The following SDC3 variants were observed in gnomAD, a reference collection of about 807,000 sequenced individuals.
SDC3 encodes syndecan 3.
Under a neutral mutation model 24.4 loss-of-function variants are expected in SDC3, and 13 were observed. That is an observed-to-expected ratio of 0.53 (90% CI 0.35 to 0.85). SDC3 has a LOEUF of 0.85. Among genes scored for constraint, SDC3 ranks in the 40% least tolerant of loss-of-function variants. The pLI, the probability that SDC3 is intolerant of heterozygous loss-of-function variation, is 0.01. For synonymous variants in SDC3, 295 were observed against 260.9 expected, an observed-to-expected ratio of 1.13 and a Z score of -1.26; for missense variants, 571 against 584.5, an observed-to-expected ratio of 0.98 and a Z score of 0.24.
At chr1:30,878,543 C>G (rs995536186) in intron 2 of SDC3, 80 bp downstream of exon 2, 3 of 1,163,002 alleles carry the variant, frequency 2.6e-6, no homozygotes, top group African/African-American at 3.0e-5. Context: ...TGAAGCAAGC[C>G]CCCCGTGGGC....
intron 1 of SDC3, among the ~76,000 whole-genome samples, chr1:30,887,997 T>G (rs955713360): frequency 6.6e-6 from 1 of 152,196 alleles, no homozygotes; most frequent in Non-Finnish European, 1.5e-5. Flanking sequence ...TCCCAGCATA[T>G]TTTGTCACAA....
At chr1:30,873,868 A>T (rs1341508410) in intron 4 of SDC3, among the ~76,000 whole-genome samples, 9 of 152,094 alleles carry the variant, frequency 5.9e-5, no homozygotes, top group Non-Finnish European at 1.2e-4. Flanking sequence ...CAGGATTTGA[A>T]CCAGGAGTCC....
At chr1:30,893,041 A>G (rs1557522281) in intron 1 of SDC3, among the ~76,000 whole-genome samples, 1 of 152,182 alleles carries the variant, frequency 6.6e-6, no homozygotes, top group African/African-American at 2.4e-5. Context: ...AGTTGGGCTG[A>G]TGCCCAAACG....
At position 30,869,940 on chromosome 1, in the gene SDC3, C is replaced by T. The variant is rs1639503590; in HGVS notation, c.*3271G>A. 2.5e-6 allele frequency: 1 copy of T among 398,434 alleles called. No homozygotes were observed. The highest frequency in any genetic ancestry group is 2.1e-5 in the African/African-American group (1 of 48,628). The allele number at this position is 398,434 out of a possible 1,614,324, so 24.7% of individuals were successfully genotyped here. ...GCAGGCACCTGGGGGATGCTGGGGC[C>T]ATCGGCTCTCAGATGGCAACTCCCA... On this transcript the variant is annotated 3_prime_UTR_variant, in exon 5 of 5. Coordinates refer to ENST00000339394, the MANE Select transcript of SDC3 (RefSeq NM_014654.4).
intron 1 of SDC3, among the ~76,000 whole-genome samples, chr1:30,887,249 T>C (rs1639842738): frequency 6.6e-6 from 1 of 151,222 alleles, no homozygotes; most frequent in African/African-American, 2.4e-5. Flanking sequence ...TGACGGTCAC[T>C]GCCAGCAAAC....
chr1:30,891,488 C>G (rs1639903427), intron 1 of SDC3, among the ~76,000 whole-genome samples: 2 of 152,202 alleles, frequency 1.3e-5, no homozygotes, highest in African/African-American at 4.8e-5. Flanking sequence ...TCCTGCCTGG[C>G]TGAACTCAGG....
intron 1 of SDC3, among the ~76,000 whole-genome samples, chr1:30,892,863 G>A (rs1570016909): frequency 6.6e-6 from 1 of 152,138 alleles, no homozygotes; most frequent in African/African-American, 2.4e-5. Flanking sequence ...GACATGCAGA[G>A]GTCAAAGTCC....
chr1:30,876,532 T>TC lies in SDC3; in HGVS notation c.870+19dup, dbSNP rs756054029. On this transcript the variant is annotated intron_variant, in intron 3 of 4. Coordinates refer to ENST00000339394, the MANE Select transcript of SDC3 (RefSeq NM_014654.4). ...CCACCCTCCTCCGCCCTCCTCCCTG[T>TC]CCCTTCTCAACACCCTCACCTGAGC... is the stretch of plus-strand genomic sequence containing the variant. 158 of 1,503,056 alleles carry TC rather than the reference T, an allele frequency of 1.1e-4. No homozygotes were observed. The highest frequency in any genetic ancestry group is 1.3e-4 in the Non-Finnish European group (151 of 1,125,172). 93.1% of individuals were successfully genotyped at this position (1,503,056 alleles called of 1,614,324 possible).
At chr1:30,893,659 G>C (rs1052740614) in intron 1 of SDC3, among the ~76,000 whole-genome samples, 1 of 151,986 alleles carries the variant, frequency 6.6e-6, no homozygotes, top group African/African-American at 2.4e-5. Context: ...TCTGATCAAA[G>C]AAACAGAATC....
rs553310512 is a variant in SDC3, at chr1:30,885,537, C to T, written c.139-6797G>A. Among the ~76,000 whole-genome samples, 3 of 152,338 alleles carry T rather than the reference C, an allele frequency of 2.0e-5. No individual in the cohort carries two copies. In the South Asian group the frequency reaches 6.2e-4, roughly 32 times the overall value. ...GGTGTTCTCTGGTCTGTGAAACTTC[C>T]GGGTCCCCTGGTTCTGCTGAGACCC... On this transcript the variant is annotated intron_variant, in intron 1 of 4. Transcript: ENST00000339394.
At position 30,877,011 on chromosome 1, in the gene SDC3, C is replaced by T. The variant is rs767961193; in HGVS notation, c.411G>A (p.Glu137=). Residue 137 remains glutamate (E), a synonymous_variant, in exon 3 of 5, where the codon GAG becomes GAA. Coordinates refer to ENST00000339394, the MANE Select transcript of SDC3 (RefSeq NM_014654.4). The part of the protein sequence containing the change: ...EELPSERPTL[E]PATSPLVVTE... Reference sequence around the variant, plus strand: ...TCACCACCAGGGGGCTGGTGGCTGGCTCCAGGGTGGGGCGCTCAGAGGGGA... The same window carrying T: ...TCACCACCAGGGGGCTGGTGGCTGGTTCCAGGGTGGGGCGCTCAGAGGGGA... 9.3e-6 allele frequency: 15 copies of T among 1,613,656 alleles called. No individual in the cohort carries two copies. The South Asian group carries it at 1.6e-4, about 18-fold the overall frequency.
intron 1 of SDC3, among the ~76,000 whole-genome samples, chr1:30,894,343 TGTGTGGATGA>T (rs1222038790): frequency 5.0e-5 from 4 of 79,702 alleles, no homozygotes; most frequent in Non-Finnish European, 7.0e-5. Flanking sequence ...GTGTGTGGGG[TGTGTGGATGA>T]GTGTGTGTGA....
At chr1:30,903,606 T>C (rs1638456673) in intron 1 of SDC3, among the ~76,000 whole-genome samples, 2 of 151,778 alleles carry the variant, frequency 1.3e-5, no homozygotes, top group Admixed American at 6.6e-5. Flanking sequence ...TCCCACAGGG[T>C]GAGACAGCAT....
rs115341751 is a variant in SDC3 at position 30,903,301 on chromosome 1, C to T, written c.138+5148G>A. Among the ~76,000 whole-genome samples the T allele has an allele frequency of 5.5e-3, 845 of 152,300 alleles. 9 individuals are homozygous for T. The highest frequency in any genetic ancestry group is 0.019 in the African/African-American group (803 of 41,548). ...TCCCCAACACTGGGGGCATCTGGCA[C>T]ATATCAGGGCTTATGGTGGCTTTTT... On this transcript the variant is annotated intron_variant, in intron 1 of 4. Coordinates refer to ENST00000339394, the MANE Select transcript of SDC3 (RefSeq NM_014654.4).
intron 1 of SDC3, among the ~76,000 whole-genome samples, chr1:30,882,648 A>AC (rs1371602340): frequency 6.6e-6 from 1 of 151,764 alleles, no homozygotes; most frequent in Non-Finnish European, 1.5e-5. Flanking sequence ...ACCTCTACCC[A>AC]CCCACTCATC....
At chr1:30,901,419 C>T (rs927230061) in intron 1 of SDC3, among the ~76,000 whole-genome samples, 10 of 152,188 alleles carry the variant, frequency 6.6e-5, no homozygotes, top group African/African-American at 2.4e-4. Context: ...TGGAAAGCAC[C>T]CAGTCTCACC....
intron 1 of SDC3, among the ~76,000 whole-genome samples, chr1:30,908,212 G>C (rs1271486818): frequency 6.6e-6 from 1 of 151,500 alleles, no homozygotes; most frequent in Non-Finnish European, 1.5e-5. Context: ...GACCAGCGGC[G>C]GGGGCGGCCT....
chr1:30,909,457 C>A (rs928766479), upstream of SDC3, among the ~76,000 whole-genome samples: 1 of 152,234 alleles, frequency 6.6e-6, no homozygotes, highest in Non-Finnish European at 1.5e-5. Context: ...TCAGACCCCC[C>A]ATGGTTGAAT....
chr1:30,908,485 C>A lies in SDC3; in HGVS notation c.102G>T (p.Pro34=), dbSNP rs1427091936. 2.0e-6 allele frequency: 2 copies of A among 1,019,214 alleles called. No individual in the cohort carries two copies. Among genetic ancestry groups the A allele is most frequent in the Non-Finnish European group, 2.3e-6 (2 of 851,252 alleles). 63.1% of individuals were successfully genotyped at this position (1,019,214 alleles called of 1,614,324 possible). A position where few individuals can be genotyped will look rare whatever the true frequency, so the allele number is the denominator to read the frequency against. The change falls in exon 1 of 5, where the codon CCG becomes CCT. Residue 34 remains proline, a synonymous_variant. Transcript: ENST00000339394. ...GPGARGLLLP[P]LLLLLLAGRA... ...GCCCCGCCAGCAGCAGCAGCAGCAGCGGTGGCAGGAGCAGCCCGCGGGCCC... is the reference window on the plus strand; with the variant it reads ...GCCCCGCCAGCAGCAGCAGCAGCAGAGGTGGCAGGAGCAGCCCGCGGGCCC...
Sources: gnomAD v4.1 joint callset for allele counts (sites outside exome capture counted in the v4.1 genomes callset) on GRCh38, gnomAD v4.1.1 for gene constraint, MANE v1.5 for transcripts, NCBI Gene and HGNC (gene_info 2026-07-23, HGNC 2026-07-21) for gene names.